The following GARNL3 variants were observed in gnomAD, a reference collection of about 807,000 sequenced individuals.
GARNL3 encodes GTPase-activating Rap/Ran-GAP domain-like protein 3.
A neutral mutation model predicts 125.0 loss-of-function variants in GARNL3; 63 were observed. The ratio of observed to expected loss-of-function variants is 0.50; its 90% CI spans 0.41 to 0.62. The LOEUF (loss-of-function observed/expected upper bound fraction) is 0.62. Ranked by LOEUF, GARNL3 falls within the 20% of genes least tolerant of loss-of-function variation. The probability of loss-of-function intolerance (pLI) is 0.00; values close to 1 mark genes in which losing one functional copy is unlikely to be tolerated. For synonymous variants in GARNL3, 439 were observed against 457.5 expected (o/e 0.96, Z 0.52); for missense variants, 994 against 1,244.0 (o/e 0.80, Z 3.02).
upstream of GARNL3, among the ~76,000 whole-genome samples, chr9:127,261,256 C>G (rs1428778050): frequency 2.0e-5 from 3 of 150,918 alleles, no homozygotes; most frequent in Admixed American, 2.0e-4. Flanking sequence ...AACTCTGTCT[C>G]AAAAAAAAGA....
intron 2 of GARNL3, among the ~76,000 whole-genome samples, chr9:127,306,499 G>C (rs1178023221): frequency 6.6e-6 from 1 of 152,102 alleles, no homozygotes; most frequent in African/African-American, 2.4e-5. Context: ...AGGCCGAGGC[G>C]GGCGGATCAC....
intron 12 of GARNL3, among the ~76,000 whole-genome samples, chr9:127,339,113 C>G (rs144364338): frequency 6.6e-6 from 1 of 151,630 alleles, no homozygotes; most frequent in Non-Finnish European, 1.5e-5. Context: ...CTGGCTAACA[C>G]GATGAAACCC....
chr9:127,342,875 T>TGCACATG (rs1306477962), intron 14 of GARNL3, among the ~76,000 whole-genome samples: 4 of 148,442 alleles, frequency 2.7e-5, no homozygotes, highest in African/African-American at 9.9e-5. Flanking sequence ...TCACTTCAGG[T>TGCACATG]GCACATGTGC....
chr9:127,391,700 CAAAAAA>C (rs11357196), intron 27 of GARNL3, among the ~76,000 whole-genome samples: 1 of 76,922 alleles, frequency 1.3e-5, no homozygotes, highest in Non-Finnish European at 2.7e-5. Flanking sequence ...GACCCCGTGT[CAAAAAA>C]AAAAAAAAAA....
At chr9:127,304,007 C>G (rs779676436) in intron 2 of GARNL3, among the ~76,000 whole-genome samples, 1 of 152,046 alleles carries the variant, frequency 6.6e-6, no homozygotes, top group Non-Finnish European at 1.5e-5. Flanking sequence ...GAGTTCATTT[C>G]CCTCTGTTGT....
chr9:127,317,121 A>T (rs1001572995), intron 4 of GARNL3, among the ~76,000 whole-genome samples: 1 of 152,218 alleles, frequency 6.6e-6, no homozygotes, highest in African/African-American at 2.4e-5. Flanking sequence ...AATAGCACTC[A>T]TCTGTTCCTG....
chr9:127,344,545 T>C (rs1830036324), intron 15 of GARNL3, among the ~76,000 whole-genome samples: 1 of 152,226 alleles, frequency 6.6e-6, no homozygotes, highest in African/African-American at 2.4e-5. Flanking sequence ...AGCAACACTC[T>C]GCAGAGGTAG....
At chr9:127,358,208 C>G (rs1407637286) in intron 21 of GARNL3, among the ~76,000 whole-genome samples, 1 of 152,242 alleles carries the variant, frequency 6.6e-6, no homozygotes, top group Non-Finnish European at 1.5e-5. Flanking sequence ...GGCAGCCTGT[C>G]TGTCACTGGA....
At chr9:127,315,578 C>G (rs1053535803) in intron 4 of GARNL3, among the ~76,000 whole-genome samples, 2 of 151,844 alleles carry the variant, frequency 1.3e-5, no homozygotes, top group Non-Finnish European at 2.9e-5. Flanking sequence ...GAGTTCAAGG[C>G]TGCAGTGAGC....
At chr9:127,279,523 TC>T (rs1377661968) in intron 1 of GARNL3, among the ~76,000 whole-genome samples, 1 of 152,234 alleles carries the variant, frequency 6.6e-6, no homozygotes, top group Non-Finnish European at 1.5e-5. Context: ...TTTGTTTTCC[TC>T]CTCCAGTGAA....
Position 127,333,015 on chromosome 9 carries a change from T to C in GARNL3, c.671-8T>C. ...CATACTTTCCTCATACTCTACTTCTTCCTGCAGAAATTGGAAGCGAGCCTT... is the reference window on the plus strand; with the variant it reads ...CATACTTTCCTCATACTCTACTTCTCCCTGCAGAAATTGGAAGCGAGCCTT... On this transcript the variant is annotated splice_polypyrimidine_tract_variant and splice_region_variant and intron_variant, in intron 8 of 27. Transcript: ENST00000373387. 1 of 1,600,196 alleles carries C rather than the reference T, an allele frequency of 6.2e-7. No homozygotes were observed. Among genetic ancestry groups the C allele is most frequent in the Non-Finnish European group, 8.6e-7 (1 of 1,167,348 alleles).
intron 1 of GARNL3, among the ~76,000 whole-genome samples, chr9:127,232,735 C>G (rs945831313): frequency 1.4e-4 from 21 of 152,194 alleles, no homozygotes; most frequent in Admixed American, 6.5e-5. Flanking sequence ...TTGCAAAATG[C>G]TGGGGTAGAC....
intron 1 of GARNL3, among the ~76,000 whole-genome samples, chr9:127,236,694 G>T (rs2063119281): frequency 6.6e-6 from 1 of 152,164 alleles, no homozygotes; most frequent in South Asian, 2.1e-4. Context: ...AAAGTGCTGG[G>T]ATTACAGGTG....
intron 2 of GARNL3, among the ~76,000 whole-genome samples, chr9:127,293,366 A>G (rs2064484946): frequency 6.6e-6 from 1 of 152,220 alleles, no homozygotes; most frequent in Admixed American, 6.5e-5. Context: ...TTAGACACTT[A>G]TCAGATATAT....
chr9:127,332,431 C>A, intron 8 of GARNL3, 82 bp downstream of exon 8: 2 of 1,101,342 alleles, frequency 1.8e-6, no homozygotes, highest in Non-Finnish European at 2.7e-6. Context: ...CTTAACTTGT[C>A]TGTTGAGTTG....
At chr9:127,335,373 T>C (rs747664137) in intron 10 of GARNL3, 40 bp downstream of exon 10, 2 of 1,404,358 alleles carry the variant, frequency 1.4e-6, no homozygotes, top group Admixed American at 3.3e-5. Flanking sequence ...GTGATGTGAA[T>C]GTGGAGAGGG....
intron 27 of GARNL3, among the ~76,000 whole-genome samples, chr9:127,391,608 A>G (rs1832867356): frequency 7.0e-6 from 1 of 141,878 alleles, no homozygotes; most frequent in Non-Finnish European, 1.6e-5. Context: ...GCTAAGGTAG[A>G]AAGATCACCT....
At chr9:127,354,273 C>T (rs888048776) in intron 18 of GARNL3, 21 bp from the exon 19 acceptor site, 1 of 1,579,530 alleles carries the variant, frequency 6.3e-7, no homozygotes, top group Non-Finnish European at 8.7e-7. Flanking sequence ...ATCTCCTCCT[C>T]TGTCTTTTTT....
rs1476777437 is a variant in GARNL3 at position 127,392,132 on chromosome 9, G to T, written c.2871-951G>T. On this transcript the variant is annotated intron_variant, in intron 27 of 27. Coordinates refer to ENST00000373387, the MANE Select transcript of GARNL3 (RefSeq NM_032293.5). The surrounding 1 kb of genome is among the most constrained non-coding windows in gnomAD (Gnocchi z 5.2). ...GGGTTGCCATCCAGCCCACACCTGGGGCAGGGAGGGTCTCAAACATCAGGG... is the reference window on the plus strand; with the variant it reads ...GGGTTGCCATCCAGCCCACACCTGGTGCAGGGAGGGTCTCAAACATCAGGG... Among the ~76,000 whole-genome samples the T allele has an allele frequency of 6.6e-6, 1 of 152,220 alleles. No homozygotes were observed. Among genetic ancestry groups the T allele is most frequent in the Admixed American group, 6.5e-5 (1 of 15,286 alleles).
Sources: allele counts gnomAD v4.1 joint callset (sites outside exome capture counted in the v4.1 genomes callset), GRCh38; gene constraint gnomAD v4.1.1; non-coding constraint Gnocchi (gnomAD v3.1); transcripts MANE v1.5; gene names NCBI Gene and HGNC (gene_info 2026-07-23, HGNC 2026-07-21).